TESMIN: variants seen among roughly 807,000 people sequenced by gnomAD.
TESMIN encodes the protein CXC domain containing 2.
A neutral mutation model predicts 47.4 loss-of-function variants in TESMIN; 34 were observed. The observed-to-expected ratio is 0.72, with a 90% CI of 0.55 to 0.96. The LOEUF is 0.96. TESMIN is among the 40% of genes least tolerant of loss of function. The pLI, the probability that TESMIN is intolerant of heterozygous loss-of-function variation, is 0.00. For missense variants in TESMIN, 610 were observed against 637.2 expected, an observed-to-expected ratio of 0.96 and a Z score of 0.46; for synonymous variants, 278 against 258.9, an observed-to-expected ratio of 1.07 and a Z score of -0.71.
At chr11:68,718,922 C>T (rs994591634) in intron 6 of TESMIN, among the ~76,000 whole-genome samples, 11 of 152,184 alleles carry the variant, frequency 7.2e-5, no homozygotes, top group African/African-American at 2.4e-4. Flanking sequence ...TTTTTAGACA[C>T]GTAAGGTCTG....
chr11:68,740,612 C>T (rs1946444863), intron 5 of TESMIN, among the ~76,000 whole-genome samples: 1 of 152,214 alleles, frequency 6.6e-6, no homozygotes, highest in Non-Finnish European at 1.5e-5. Context: ...ACACAGACTG[C>T]ATCTGCGTGC....
rs1946018754 is a variant in TESMIN at position 68,708,191 on chromosome 11, G to A, written c.*117C>T. On this transcript the variant is annotated 3_prime_UTR_variant, in exon 10 of 10. Coordinates refer to ENST00000255087, the MANE Select transcript of TESMIN (RefSeq NM_004923.3). ...CTCTGAGTAAACTCCCTGGGCCCAG[G>A]GATGCAGGGGAGCCTGGTTGTTGCT... 2 of 1,016,274 alleles carry A rather than the reference G, an allele frequency of 2.0e-6. No homozygotes were observed. Among genetic ancestry groups the A allele is most frequent in the South Asian group, 1.6e-5 (1 of 61,266 alleles). The allele number at this position is 1,016,274 out of a possible 1,614,324, so 63.0% of individuals were successfully genotyped here.
intron 8 of TESMIN, among the ~76,000 whole-genome samples, 187 bp from the exon 9 acceptor site, chr11:68,711,236 AGTGT>A (rs963284939): frequency 3.3e-4 from 48 of 147,642 alleles, no homozygotes; most frequent in African/African-American, 1.2e-3. Flanking sequence ...TGTGTGTATG[AGTGT>A]GTGTGGGGTG....
At chr11:68,747,894 C>T (rs903597632) in intron 2 of TESMIN, among the ~76,000 whole-genome samples, 17 of 152,066 alleles carry the variant, frequency 1.1e-4, no homozygotes, top group African/African-American at 4.1e-4. Context: ...AGGGATAATA[C>T]TGAAAATCAA....
intron 4 of TESMIN, 63 bp downstream of exon 4, chr11:68,744,928 C>T: frequency 7.2e-7 from 1 of 1,392,104 alleles, no homozygotes; most frequent in Non-Finnish European, 9.6e-7. Flanking sequence ...TATACAAAGC[C>T]AAACATATTC....
At chr11:68,748,033 C>T (rs947581655) in intron 2 of TESMIN, among the ~76,000 whole-genome samples, 1 of 152,110 alleles carries the variant, frequency 6.6e-6, no homozygotes, top group African/African-American at 2.4e-5. Context: ...CGCTTTGCAT[C>T]CTCCCCTCCC....
At chr11:68,721,705 C>T (rs10791992) in intron 6 of TESMIN, among the ~76,000 whole-genome samples, 105,576 of 152,038 alleles carry the variant, frequency 0.69, 37,351 homozygotes, top group East Asian at 0.86. Context: ...CCTTCATTGT[C>T]ACCACCCCTG....
chr11:68,746,740 TAGG>T (rs1465920142), intron 3 of TESMIN, among the ~76,000 whole-genome samples: 1 of 152,152 alleles, frequency 6.6e-6, no homozygotes, highest in South Asian at 2.1e-4. Context: ...ACAGAGTTGT[TAGG>T]AGGATTAAAT....
rs765406129 is a variant in TESMIN at position 68,750,699 on chromosome 11, C to G, written c.-39G>C. The G allele has an allele frequency of 8.8e-5, 122 of 1,389,468 alleles. No homozygotes were observed. The Admixed American group carries it at 3.0e-3, about 34-fold the overall frequency. The allele number at this position is 1,389,468 out of a possible 1,614,324, so 86.1% of individuals were successfully genotyped here. On this transcript the variant is annotated splice_region_variant and 5_prime_UTR_variant, in exon 2 of 10. Transcript: ENST00000255087. ...GGGGCGGGATGGCGGGGGCCGCGCA[C>G]CTGCAACACGCGGCCAGGTGAGAGG... is the stretch of plus-strand genomic sequence containing the variant.
intron 6 of TESMIN, among the ~76,000 whole-genome samples, chr11:68,718,545 G>A (rs551058133): frequency 6.6e-6 from 1 of 152,154 alleles, no homozygotes; most frequent in East Asian, 1.9e-4. Context: ...CAGAAATACT[G>A]AATATTAAGA....
In TESMIN at chr11:68,710,929, T is replaced by C; in HGVS notation, c.1279A>G (p.Ser427Gly). Residue 427 changes from serine (S) to glycine (G), a missense_variant, in exon 9 of 10, where the codon AGC becomes GGC. Ser to Gly is a moderately conservative substitution (Grantham distance 56). Transcript: ENST00000255087. ...AATTTCGTTGGTGGCAGGTAATGGC[T>C]GCCTTCCAAACCTCCAGTCTGCATG... ...NYMQTGGLEG[S>G]HYLPPTKFSG... The C allele has an allele frequency of 5.0e-6, 8 of 1,614,144 alleles. No homozygotes were observed. Among genetic ancestry groups the C allele is most frequent in the Non-Finnish European group, 6.8e-6 (8 of 1,180,014 alleles).
At chr11:68,717,276 G>A (rs943548879) in intron 6 of TESMIN, among the ~76,000 whole-genome samples, 10 of 152,348 alleles carry the variant, frequency 6.6e-5, no homozygotes, top group Admixed American at 3.9e-4. Context: ...TTCTGCAGCA[G>A]CTAAGTGCTG....
chr11:68,736,692 A>G, intron 6 of TESMIN: 1 of 982,024 alleles, frequency 1.0e-6, no homozygotes, highest in Non-Finnish European at 1.2e-6. Context: ...ATTTTGTAAC[A>G]TTCAAAATAA....
At chr11:68,737,609 A>C (rs1566322688) in intron 6 of TESMIN, 1 of 985,620 alleles carries the variant, frequency 1.0e-6, no homozygotes, top group Non-Finnish European at 1.2e-6. Flanking sequence ...TGTTTGCCTT[A>C]GACTGTGGGC....
chr11:68,725,099 A>AT (rs1488058515), intron 6 of TESMIN, among the ~76,000 whole-genome samples: 2 of 152,196 alleles, frequency 1.3e-5, no homozygotes, highest in Non-Finnish European at 2.9e-5. Context: ...CAGACAAATC[A>AT]TTACAAATAA....
intron 2 of TESMIN, among the ~76,000 whole-genome samples, chr11:68,748,305 G>C (rs551934687): frequency 3.9e-4 from 60 of 152,224 alleles, no homozygotes; most frequent in Non-Finnish European, 6.8e-4. Context: ...CAGCACAGCA[G>C]ACTAGCATCT....
At chr11:68,716,045 G>A in intron 6 of TESMIN, 106 bp from the exon 7 acceptor site, 1 of 694,158 alleles carries the variant, frequency 1.4e-6, no homozygotes. Context: ...GCTGCAGTCA[G>A]AACACTGAAC....
chr11:68,706,942 GGGTGAAGGAGGCCA>G (rs938789076), downstream of TESMIN, among the ~76,000 whole-genome samples: 10 of 152,162 alleles, frequency 6.6e-5, no homozygotes, highest in African/African-American at 2.4e-4. Context: ...CAGCTCCCAA[GGGTGAAGGAGGCCA>G]GGTGGCTCCC....
At chr11:68,747,400 A>C in intron 2 of TESMIN, 34 bp from the exon 3 acceptor site, 1 of 1,568,910 alleles carries the variant, frequency 6.4e-7, no homozygotes, top group Non-Finnish European at 8.8e-7. Flanking sequence ...TAGAGAACAC[A>C]TGGTGGACAC....
Sources: allele counts gnomAD v4.1 joint callset (sites outside exome capture counted in the v4.1 genomes callset), GRCh38; gene constraint gnomAD v4.1.1; transcripts MANE v1.5; gene names NCBI Gene and HGNC (gene_info 2026-07-23, HGNC 2026-07-21).